NRG3: variants seen among roughly 807,000 people sequenced by gnomAD.
NRG3 encodes neuregulin 3.
Under a neutral mutation model 66.9 loss-of-function variants are expected in NRG3, and 31 were observed. The observed-to-expected ratio is 0.46, with a 90% CI of 0.35 to 0.63. The LOEUF (loss-of-function observed/expected upper bound fraction) is 0.63. Among genes scored for constraint, NRG3 ranks in the 20% least tolerant of loss-of-function variants. NRG3 has a pLI of 0.00. For missense variants in NRG3, 910 were observed against 878.9 expected (o/e 1.04, Z -0.45); for synonymous variants, 393 against 359.4 (o/e 1.09, Z -1.06).
chr10:81,966,281 TTTA>T (rs2059727640), intron 1 of NRG3, among the ~76,000 whole-genome samples: 1 of 150,448 alleles, frequency 6.6e-6, no homozygotes, highest in African/African-American at 2.4e-5. Flanking sequence ...TTTTAATAAA[TTTA>T]TTTTTATATA....
Position 82,397,777 on chromosome 10 carries a change from A to G in NRG3, c.953+38909A>G, listed in dbSNP as rs545555821. Among the ~76,000 whole-genome samples, 9 of 152,290 alleles carry G rather than the reference A, an allele frequency of 5.9e-5. No individual in the cohort carries two copies. The South Asian group carries it at 8.3e-4, about 14-fold the overall frequency. ...TTTAAGATAGATAACATCCCTCTTC[A>G]CAAAGAGAAAAGAGTAACTGTTGTC... On this transcript the variant is annotated intron_variant, in intron 2 of 8. Coordinates refer to ENST00000372141, the MANE Select transcript of NRG3 (RefSeq NM_001010848.4).
intron 1 of NRG3, among the ~76,000 whole-genome samples, chr10:82,258,921 G>A (rs2077876836): frequency 6.6e-6 from 1 of 152,138 alleles, no homozygotes; most frequent in African/African-American, 2.4e-5. Context: ...TTGGAACTCG[G>A]GAAATTAGAA....
chr10:82,003,696 T>G (rs2061262434), intron 1 of NRG3, among the ~76,000 whole-genome samples: 1 of 152,096 alleles, frequency 6.6e-6, no homozygotes, highest in Non-Finnish European at 1.5e-5. Context: ...CAGAGAAGGT[T>G]TATCAGAGTG....
intron 1 of NRG3, among the ~76,000 whole-genome samples, chr10:81,976,162 A>G (rs2347330): frequency 0.46 from 69,570 of 152,048 alleles, 20,128 homozygotes; most frequent in African/African-American, 0.78. Flanking sequence ...TAATATACCC[A>G]CTTGAGGGGT....
intron 1 of NRG3, among the ~76,000 whole-genome samples, chr10:82,241,233 T>G (rs1444356205): frequency 2.0e-5 from 3 of 152,154 alleles, no homozygotes; most frequent in Non-Finnish European, 2.9e-5. Flanking sequence ...AGATAATTTC[T>G]TTGTCATAAT....
intron 1 of NRG3, among the ~76,000 whole-genome samples, chr10:82,303,429 G>T (rs1422656859): frequency 6.6e-6 from 1 of 152,068 alleles, no homozygotes; most frequent in Non-Finnish European, 1.5e-5. Context: ...ATTATGATTT[G>T]AGTGGGGAGG....
At chr10:82,421,058 G>A (rs141472907) in intron 2 of NRG3, among the ~76,000 whole-genome samples, 146 of 152,210 alleles carry the variant, frequency 9.6e-4, no homozygotes, top group African/African-American at 3.4e-3. Context: ...ATCTGTTTGT[G>A]CTGGTGGTTG....
chr10:82,227,563 C>T (rs532497488), intron 1 of NRG3, among the ~76,000 whole-genome samples: 1 of 151,958 alleles, frequency 6.6e-6, no homozygotes, highest in Non-Finnish European at 1.5e-5. Flanking sequence ...TGAGGTGGTA[C>T]ACTGATGATT....
At chr10:82,142,397 A>T (rs2069861276) in intron 1 of NRG3, among the ~76,000 whole-genome samples, 1 of 152,142 alleles carries the variant, frequency 6.6e-6, no homozygotes, top group African/African-American at 2.4e-5. Context: ...AGGCAGAAGT[A>T]GTCCTGAGGG....
intron 2 of NRG3, among the ~76,000 whole-genome samples, chr10:82,547,951 G>C (rs1590618141): frequency 6.6e-6 from 1 of 151,882 alleles, no homozygotes; most frequent in African/African-American, 2.4e-5. Flanking sequence ...TTTCAAATTG[G>C]CCTGTGATAT....
intron 1 of NRG3, among the ~76,000 whole-genome samples, chr10:82,113,491 C>T (rs1019791274): frequency 6.6e-6 from 1 of 152,120 alleles, no homozygotes; most frequent in African/African-American, 2.4e-5. Context: ...TGATATCTGA[C>T]TATTTTTACA....
chr10:82,953,853 G>T (rs1367145653), intron 5 of NRG3, among the ~76,000 whole-genome samples: 5 of 151,510 alleles, frequency 3.3e-5, no homozygotes, highest in Non-Finnish European at 7.4e-5. Flanking sequence ...AGCTACTCGG[G>T]AGGCTGAGGC....
chr10:82,327,042 C>G lies in NRG3; in HGVS notation c.824-31697C>G, dbSNP rs191252897. Among the ~76,000 whole-genome samples, 7 of 152,258 alleles carry G rather than the reference C, an allele frequency of 4.6e-5. No homozygotes were observed. In the East Asian group the frequency reaches 1.2e-3, roughly 25 times the overall value. ...CTTGGAGTCATTTTAGGCATTGATACTTTATTCTATGTGATCAGTTCATTG... is the reference window on the plus strand; with the variant it reads ...CTTGGAGTCATTTTAGGCATTGATAGTTTATTCTATGTGATCAGTTCATTG... On this transcript the variant is annotated intron_variant, in intron 1 of 8. Transcript: ENST00000372141.
At chr10:82,002,876 G>C (rs1451046593) in intron 1 of NRG3, among the ~76,000 whole-genome samples, 2 of 152,148 alleles carry the variant, frequency 1.3e-5, no homozygotes, top group Non-Finnish European at 2.9e-5. Context: ...AAAATTGAGT[G>C]CTAAGTGCCA....
chr10:82,103,573 A>G (rs1365721855), intron 1 of NRG3, among the ~76,000 whole-genome samples: 2 of 152,108 alleles, frequency 1.3e-5, no homozygotes, highest in Non-Finnish European at 2.9e-5. Context: ...TTTATATCAT[A>G]TTTTTACTTT....
At chr10:82,622,793 C>G (rs2049127731) in intron 2 of NRG3, among the ~76,000 whole-genome samples, 2 of 152,186 alleles carry the variant, frequency 1.3e-5, no homozygotes, top group Admixed American at 6.5e-5. Flanking sequence ...AAACATCCAT[C>G]TGTGGCAGTA....
intron 2 of NRG3, among the ~76,000 whole-genome samples, chr10:82,465,737 G>T (rs1159773069): frequency 6.6e-5 from 10 of 152,066 alleles, no homozygotes; most frequent in Admixed American, 6.6e-4. Flanking sequence ...ATGTCACACG[G>T]ACCTTGTATC....
At chr10:82,580,810 A>G (rs1461461366) in intron 2 of NRG3, among the ~76,000 whole-genome samples, 2 of 151,556 alleles carry the variant, frequency 1.3e-5, no homozygotes, top group African/African-American at 2.4e-5. Context: ...TATTATTTGC[A>G]GTTCTTCTAT....
At chr10:82,170,786 A>C (rs2072545384) in intron 1 of NRG3, among the ~76,000 whole-genome samples, 1 of 148,650 alleles carries the variant, frequency 6.7e-6, no homozygotes, top group East Asian at 2.0e-4. Context: ...TTGCCATTCG[A>C]TTGCCAGCCT....
Sources: allele counts gnomAD v4.1 joint callset (sites outside exome capture counted in the v4.1 genomes callset), GRCh38; gene constraint gnomAD v4.1.1; transcripts MANE v1.5; gene names NCBI Gene and HGNC (gene_info 2026-07-23, HGNC 2026-07-21).